TOGARAM2: variants seen among roughly 807,000 people sequenced by gnomAD.
TOGARAM2 encodes TOG array regulator of axonemal microtubules protein 2.
Under a neutral mutation model 93.3 loss-of-function variants are expected in TOGARAM2, and 85 were observed. That is an observed-to-expected ratio of 0.91 (90% CI 0.76 to 1.09). The LOEUF (loss-of-function observed/expected upper bound fraction) is 1.09. Among genes scored for constraint, TOGARAM2 ranks in the 50% least tolerant of loss-of-function variants. The pLI, the probability that TOGARAM2 is intolerant of heterozygous loss-of-function variation, is 0.00. For missense variants in TOGARAM2, 1,277 were observed against 1,334.5 expected, an observed-to-expected ratio of 0.96 and a Z score of 0.67; for synonymous variants, 593 against 552.8, an observed-to-expected ratio of 1.07 and a Z score of -1.02.
At chr2:28,998,997 T>C (rs934361730) in intron 3 of TOGARAM2, among the ~76,000 whole-genome samples, 184 bp from the exon 4 acceptor site, 1 of 152,112 alleles carries the variant, frequency 6.6e-6, no homozygotes, top group African/African-American at 2.4e-5. Flanking sequence ...TTGTGAAGAT[T>C]AGGTGCTTCA....
chr2:28,962,809 T>G, intron 1 of TOGARAM2, among the ~76,000 whole-genome samples: 1 of 103,468 alleles, frequency 9.7e-6, no homozygotes, highest in Non-Finnish European at 1.8e-5. Flanking sequence ...TTCCCTCCCC[T>G]TCCCTCCTTC....
intron 9 of TOGARAM2, 82 bp downstream of exon 9, chr2:29,017,386 CT>C (rs1357380262): frequency 1.5e-6 from 2 of 1,316,000 alleles, no homozygotes; most frequent in Non-Finnish European, 2.0e-6. Context: ...GGCCCATTTT[CT>C]TTTTTAAAAT....
At chr2:28,998,005 C>T (rs1673078895) in intron 2 of TOGARAM2, 138 bp from the exon 3 acceptor site, 5 of 546,732 alleles carry the variant, frequency 9.1e-6, no homozygotes, top group South Asian at 5.1e-5. Flanking sequence ...GGGGGTGGGG[C>T]CACCACATGC....
intron 19 of TOGARAM2, chr2:29,047,706 A>G (rs897097417): frequency 7.9e-5 from 12 of 152,300 alleles, no homozygotes; most frequent in Admixed American, 7.9e-4. Context: ...CCTGAGTTCT[A>G]TTAGCCAAGA....
At chr2:28,981,002 G>C (rs1672160959), upstream of TOGARAM2, among the ~76,000 whole-genome samples, 1 of 152,224 alleles carries the variant, frequency 6.6e-6, no homozygotes, top group South Asian at 2.1e-4. Flanking sequence ...AGGAGAGTTA[G>C]TAAACAGAAG....
chr2:28,965,681 G>A (rs1671857021), intron 1 of TOGARAM2, among the ~76,000 whole-genome samples: 1 of 152,178 alleles, frequency 6.6e-6, no homozygotes, highest in South Asian at 2.1e-4. Flanking sequence ...GGACTCCCAT[G>A]CAGACTTTTG....
intron 1 of TOGARAM2, among the ~76,000 whole-genome samples, chr2:28,963,558 G>A (rs1046606472): frequency 2.0e-5 from 3 of 152,114 alleles, no homozygotes; most frequent in East Asian, 1.9e-4. Context: ...ATGTTTTTTT[G>A]TAGAGATGAG....
chr2:29,033,817 C>T (rs1171018415), intron 16 of TOGARAM2, among the ~76,000 whole-genome samples: 1 of 152,090 alleles, frequency 6.6e-6, no homozygotes, highest in Non-Finnish European at 1.5e-5. Flanking sequence ...GCTGAGTGGG[C>T]GGGGTTCCAC....
intron 18 of TOGARAM2, among the ~76,000 whole-genome samples, 189 bp from the exon 19 acceptor site, chr2:29,045,135 A>G (rs765487178): frequency 1.3e-5 from 2 of 152,200 alleles, no homozygotes; most frequent in African/African-American, 2.4e-5. Context: ...CTTTCAGGCC[A>G]CTGATTCTTT....
At chr2:29,026,368 AG>A (rs1238722353) in intron 13 of TOGARAM2, among the ~76,000 whole-genome samples, 13 of 152,194 alleles carry the variant, frequency 8.5e-5, no homozygotes, top group African/African-American at 3.1e-4. Context: ...CCCCGCCCAC[AG>A]GGAGCTGGCA....
chr2:28,989,346 G>A (rs897590058), intron 1 of TOGARAM2, among the ~76,000 whole-genome samples: 2 of 150,016 alleles, frequency 1.3e-5, no homozygotes, highest in Admixed American at 1.3e-4. Context: ...CCGCCATACC[G>A]GGCCCGCTTT....
At chr2:28,989,886 G>C (rs985602719) in intron 1 of TOGARAM2, among the ~76,000 whole-genome samples, 8 of 152,248 alleles carry the variant, frequency 5.3e-5, no homozygotes, top group African/African-American at 1.9e-4. Context: ...CAGCTTGCAG[G>C]TGCTGGATTT....
At chr2:28,990,991 G>GGTGTGTGTGT (rs70958233) in intron 1 of TOGARAM2, among the ~76,000 whole-genome samples, 45 of 119,854 alleles carry the variant, frequency 3.8e-4, no homozygotes, top group African/African-American at 6.9e-4. Context: ...GTGTGTGAAG[G>GGTGTGTGTGT]GTGTGTGTGT....
chr2:28,961,751 G>A (rs901763708), intron 1 of TOGARAM2, among the ~76,000 whole-genome samples: 15 of 152,212 alleles, frequency 9.9e-5, no homozygotes, highest in African/African-American at 3.4e-4. Context: ...GAAGATTTCT[G>A]TTATCCCAAA....
intron 12 of TOGARAM2, among the ~76,000 whole-genome samples, chr2:29,023,665 G>A (rs572678313): frequency 2.6e-5 from 4 of 152,238 alleles, no homozygotes; most frequent in African/African-American, 7.2e-5. Context: ...GGATGAATAC[G>A]GAGGACGCTG....
chr2:29,030,634 C>T (rs909181419), intron 14 of TOGARAM2, among the ~76,000 whole-genome samples: 2 of 152,174 alleles, frequency 1.3e-5, no homozygotes, highest in Non-Finnish European at 2.9e-5. Context: ...AGAACTCTGT[C>T]CTTCCTGGTT....
chr2:29,033,046 C>T lies in TOGARAM2; in HGVS notation c.2125C>T (p.Gln709Ter). The T allele has an allele frequency of 6.2e-7, 1 of 1,612,936 alleles. No individual in the cohort carries two copies. Among genetic ancestry groups the T allele is most frequent in the Non-Finnish European group, 8.5e-7 (1 of 1,179,454 alleles). The change falls in exon 15 of 20, where the codon CAG (glutamine) becomes TAG (stop). Residue 709 changes from glutamine (Q) to a stop codon, truncating the protein, a stop_gained. Transcript: ENST00000379558. LOFTEE classifies it high-confidence loss of function. ...GCAGAAGGTCATGGCGGCCATTAAACAGCAGGTGAGCTGTGGGGCATAAGT... is the reference window on the plus strand; with the variant it reads ...GCAGAAGGTCATGGCGGCCATTAAATAGCAGGTGAGCTGTGGGGCATAAGT... ...DLQKVMAAIKQQGIEDNDELP... is the reference protein window; with the variant it reads ...DLQKVMAAIK
chr2:29,023,069 C>T lies in TOGARAM2; in HGVS notation c.1512-17C>T. Reference sequence around the variant, plus strand: ...CCTCTCCACCCTTCTGCAACAGGGCCTGGCCTTGCTTCTCAGGCAGATGAA... The same window carrying T: ...CCTCTCCACCCTTCTGCAACAGGGCTTGGCCTTGCTTCTCAGGCAGATGAA... On this transcript the variant is annotated splice_polypyrimidine_tract_variant and intron_variant, in intron 11 of 19. Transcript: ENST00000379558. 6.4e-7 allele frequency: 1 copy of T among 1,572,634 alleles called. No homozygotes were observed. The highest frequency in any genetic ancestry group is 8.6e-7 in the Non-Finnish European group (1 of 1,158,004).
At chr2:28,960,462 C>G (rs1671787567) in intron 1 of TOGARAM2, among the ~76,000 whole-genome samples, 1 of 152,134 alleles carries the variant, frequency 6.6e-6, no homozygotes. Context: ...TATTCAGTTT[C>G]TTTTCAAATC....
Sources: allele counts gnomAD v4.1 joint callset (sites outside exome capture counted in the v4.1 genomes callset), GRCh38; gene constraint gnomAD v4.1.1; transcripts MANE v1.5; gene names NCBI Gene and HGNC (gene_info 2026-07-23, HGNC 2026-07-21).